Variants in ANOS1 observed in about 807,000 individuals in gnomAD.
ANOS1 encodes the protein anosmin-1.
Under a neutral mutation model 59.0 loss-of-function variants are expected in ANOS1, and 6 were observed. The ratio of observed to expected loss-of-function variants is 0.10; its 90% CI spans 0.06 to 0.20. The LOEUF (loss-of-function observed/expected upper bound fraction) is 0.20, where lower values mean the gene tolerates loss of function less well. ANOS1 is among the 10% of genes least tolerant of loss of function. ANOS1 has a pLI of 1.00. For missense variants in ANOS1, 433 were observed against 542.3 expected (o/e 0.80, Z 2.00); for synonymous variants, 217 against 223.4 (o/e 0.97, Z 0.25).
At chrX:8,620,697 G>C (rs1318488433) in intron 3 of ANOS1, among the ~76,000 whole-genome samples, 1 of 111,968 alleles carries the variant, frequency 8.9e-6, no homozygotes, top group African/African-American at 3.2e-5. Context: ...AACAATCAAA[G>C]CCACTAAAAT....
At chrX:8,568,654 A>G (rs1411726970) in intron 7 of ANOS1, among the ~76,000 whole-genome samples, 6 of 109,691 alleles carry the variant, frequency 5.5e-5, no homozygotes, top group Non-Finnish European at 1.1e-4. Flanking sequence ...GCAACATAGC[A>G]AGACTGTCTC....
chrX:8,690,571 T>C (rs1232467399), intron 2 of ANOS1, among the ~76,000 whole-genome samples: 1 of 111,768 alleles, frequency 8.9e-6, no homozygotes, highest in Non-Finnish European at 1.9e-5. Flanking sequence ...TCCTAAGAAA[T>C]GTCTTCCTTG....
intron 3 of ANOS1, among the ~76,000 whole-genome samples, chrX:8,599,697 G>A (rs1930807759): frequency 9.0e-6 from 1 of 111,724 alleles, no homozygotes; most frequent in Non-Finnish European, 1.9e-5. Flanking sequence ...GCATGCTGCT[G>A]GCTACTCCTC....
chrX:8,704,993 A>G (rs1932773435), intron 1 of ANOS1, among the ~76,000 whole-genome samples: 2 of 111,615 alleles, frequency 1.8e-5, no homozygotes, highest in South Asian at 7.6e-4. Flanking sequence ...AAATACAAAT[A>G]AAACTTGCAG....
rs1013480983 is a variant in ANOS1 at position 8,623,015 on chromosome X, G to T, written c.318+593C>A. ...TGGATAGCCGGATGGATGGATAGCT[G>T]GATGGATGGATGGATGATGGATGGA... is the stretch of plus-strand genomic sequence containing the variant. On this transcript the variant is annotated intron_variant, in intron 3 of 13. Coordinates refer to ENST00000262648, the MANE Select transcript of ANOS1 (RefSeq NM_000216.4). Among the ~76,000 whole-genome samples the T allele has an allele frequency of 6.0e-5, 6 of 99,592 alleles. No individual in the cohort carries two copies. In the Admixed American group the frequency reaches 6.8e-4, roughly 11 times the overall value. The allele number at this position is 99,592 out of a possible 115,157, so 86.5% of individuals were successfully genotyped here. A position where few individuals can be genotyped will look rare whatever the true frequency, so the allele number is the denominator to read the frequency against.
chrX:8,602,841 C>A (rs998473057), intron 3 of ANOS1, among the ~76,000 whole-genome samples: 1 of 110,854 alleles, frequency 9.0e-6, no homozygotes, highest in Admixed American at 9.7e-5. Flanking sequence ...CTGGCTCAAG[C>A]GATTCCCCTG....
At chrX:8,618,511 C>T (rs1276851781) in intron 3 of ANOS1, among the ~76,000 whole-genome samples, 12 of 111,825 alleles carry the variant, frequency 1.1e-4, no homozygotes, top group Non-Finnish European at 1.9e-4. Flanking sequence ...ATGCTGACAT[C>T]CACTGAGTTC....
intron 2 of ANOS1, among the ~76,000 whole-genome samples, chrX:8,695,307 G>A (rs183583875): frequency 2.7e-5 from 3 of 111,878 alleles, no homozygotes; most frequent in East Asian, 2.8e-4. Context: ...GCGAGATTCC[G>A]TCTCTAAATT....
At chrX:8,537,185 T>C (rs1162927108) in intron 10 of ANOS1, among the ~76,000 whole-genome samples, 3 of 111,900 alleles carry the variant, frequency 2.7e-5, no homozygotes, top group Admixed American at 9.5e-5. Context: ...TAATTCCTCA[T>C]CAAAGCAGGC....
chrX:8,536,212 TTTTTA>T lies in ANOS1; in HGVS notation c.1622-406_1622-402del, dbSNP rs1440067909. Among the ~76,000 whole-genome samples, 103 of 75,823 alleles carry T rather than the reference TTTTTA, an allele frequency of 1.4e-3. 3 individuals carry two copies. The highest frequency in any genetic ancestry group is 1.6e-3 in the Admixed American group (12 of 7,550). 65.8% of individuals were successfully genotyped at this position (75,823 alleles called of 115,157 possible). A position where few individuals can be genotyped will look rare whatever the true frequency, so the allele number is the denominator to read the frequency against. On this transcript the variant is annotated intron_variant, in intron 11 of 13. Coordinates refer to ENST00000262648, the MANE Select transcript of ANOS1 (RefSeq NM_000216.4). The stretch of plus-strand genomic sequence containing the variant: ...GCTTTTTTTTTTTTTTTTTTTTTTT[TTTTTA>T]AAAGGTGAGATCTTGCTATGTTGCC...
At chrX:8,569,500 G>T (rs966705455) in intron 7 of ANOS1, among the ~76,000 whole-genome samples, 1 of 111,418 alleles carries the variant, frequency 9.0e-6, no homozygotes, top group African/African-American at 3.3e-5. Flanking sequence ...AAATTAGCTG[G>T]GTGTGGTGGC....
intron 3 of ANOS1, among the ~76,000 whole-genome samples, chrX:8,610,814 T>A (rs1028470963): frequency 9.0e-6 from 1 of 111,142 alleles, no homozygotes; most frequent in Non-Finnish European, 1.9e-5. Context: ...AAGAAACTTT[T>A]AAAAATAAGA....
intron 3 of ANOS1, among the ~76,000 whole-genome samples, chrX:8,617,273 G>A (rs1466273247): frequency 8.9e-6 from 1 of 112,291 alleles, no homozygotes; most frequent in African/African-American, 3.2e-5. Context: ...CTACAGGTAT[G>A]CATTTAATTA....
intron 2 of ANOS1, among the ~76,000 whole-genome samples, chrX:8,691,872 T>C (rs1045858171): frequency 2.7e-5 from 3 of 112,547 alleles, no homozygotes; most frequent in Non-Finnish European, 3.7e-5. Context: ...CTGTGATTTA[T>C]TTGAAGTTTT....
intron 12 of ANOS1, chrX:8,535,151 C>T (rs1438461215): frequency 1.8e-5 from 2 of 113,939 alleles, no homozygotes; most frequent in East Asian, 5.3e-4. Context: ...GCCTGGAAGA[C>T]AGGCCAACTC....
chrX:8,591,981 G>A (rs1220211241), intron 4 of ANOS1, among the ~76,000 whole-genome samples: 1 of 112,365 alleles, frequency 8.9e-6, no homozygotes, highest in African/African-American at 3.2e-5. Context: ...AATATGTGAC[G>A]TCCAGTTTTT....
chrX:8,671,987 C>T (rs900327874), intron 2 of ANOS1, among the ~76,000 whole-genome samples: 47 of 110,630 alleles, frequency 4.2e-4, no homozygotes, highest in African/African-American at 1.5e-3. Context: ...CTATAGCCAC[C>T]ATGTTGTACA....
At chrX:8,584,482 A>G (rs1309280881) in intron 6 of ANOS1, among the ~76,000 whole-genome samples, 1 of 112,064 alleles carries the variant, frequency 8.9e-6, no homozygotes, top group Non-Finnish European at 1.9e-5. Flanking sequence ...TAATGTCCCA[A>G]TAAATAAATT....
chrX:8,668,920 G>T (rs765911227), intron 2 of ANOS1, among the ~76,000 whole-genome samples: 2 of 111,610 alleles, frequency 1.8e-5, no homozygotes, highest in Non-Finnish European at 3.8e-5. Flanking sequence ...GTATCAAAAC[G>T]ATCAAGTCTC....
Sources: gnomAD v4.1 joint callset for allele counts (sites outside exome capture counted in the v4.1 genomes callset) on GRCh38, gnomAD v4.1.1 for gene constraint, MANE v1.5 for transcripts, NCBI Gene and HGNC (gene_info 2026-07-23, HGNC 2026-07-21) for gene names.